TGM7: variants seen among roughly 807,000 people sequenced by gnomAD.
TGM7 encodes transglutaminase 7.
TGM7 carries 74 observed loss-of-function variants against 79.5 expected under a neutral mutation model. The observed-to-expected ratio is 0.93, with a 90% confidence interval of 0.77 to 1.13. TGM7 has a LOEUF of 1.13. Ranked by LOEUF, TGM7 falls within the 50% of genes most tolerant of loss-of-function variation. The pLI is 0.00. For synonymous variants in TGM7, 354 were observed against 362.5 expected, an observed-to-expected ratio of 0.98 and a Z score of 0.27; for missense variants, 912 against 905.9, an observed-to-expected ratio of 1.01 and a Z score of -0.09.
chr15:43,301,629 C>CAA lies in TGM7; in HGVS notation c.10+610_10+611dup, dbSNP rs56249665. On this transcript the variant is annotated intron_variant, in intron 1 of 12. Transcript: ENST00000452443. ...TGGGCTACAAAGGGAGACTCCATCT[C>CAA]AAAAAAAAAAAAAAGAAAAAGAAAA... Among the ~76,000 whole-genome samples the CAA allele has an allele frequency of 5.3e-3, 679 of 127,098 alleles. 5 individuals carry two copies. The highest frequency in any genetic ancestry group is 0.017 in the African/African-American group (613 of 36,508). The allele number at this position is 127,098 out of a possible 152,430, so 83.4% of individuals were successfully genotyped here.
chr15:43,293,406 A>G lies in TGM7; in HGVS notation c.193+43T>C, dbSNP rs749246325. ...GCAGGCAGACTCTGTAAATGCCCTC[A>G]TTTTGACGGAACCTGCGGGGCCTTG... On this transcript the variant is annotated intron_variant, in intron 2 of 12. Transcript: ENST00000452443. The G allele has an allele frequency of 1.9e-6, 3 of 1,542,378 alleles. No homozygotes were observed. In the South Asian group the frequency reaches 3.6e-5, roughly 19 times the overall value.
At chr15:43,293,676 G>C in intron 1 of TGM7, 45 bp from the exon 2 acceptor site, 2 of 1,481,226 alleles carry the variant, frequency 1.4e-6, no homozygotes, top group Non-Finnish European at 1.8e-6. Flanking sequence ...GCAGTCCCCT[G>C]GGCTCAGGCA....
intron 2 of TGM7, 121 bp downstream of exon 2, chr15:43,293,328 G>T: frequency 7.8e-7 from 1 of 1,285,580 alleles, no homozygotes; most frequent in Non-Finnish European, 1.1e-6. Context: ...GGGGTCTGGG[G>T]CTCCCAGGAC....
intron 4 of TGM7, among the ~76,000 whole-genome samples, chr15:43,289,151 T>C (rs962118551): frequency 6.6e-6 from 1 of 152,070 alleles, no homozygotes; most frequent in African/African-American, 2.4e-5. Flanking sequence ...CATGTTGGTG[T>C]GCTGCACCCA....
intron 1 of TGM7, among the ~76,000 whole-genome samples, chr15:43,294,904 T>G (rs76444236): frequency 7.4e-6 from 1 of 135,782 alleles, no homozygotes; most frequent in Non-Finnish European, 1.6e-5. Flanking sequence ...ATCTTGATCC[T>G]TTTTTTTTTT....
chr15:43,300,694 G>A (rs1157746792), intron 1 of TGM7, among the ~76,000 whole-genome samples: 6 of 152,120 alleles, frequency 3.9e-5, no homozygotes, highest in South Asian at 2.1e-4. Flanking sequence ...CCAGCTACTC[G>A]GGAGGCTGAG....
In TGM7 at chr15:43,282,102, G is replaced by A; in HGVS notation, c.1109-16C>T. The A allele has an allele frequency of 1.2e-6, 2 of 1,612,448 alleles. No individual in the cohort carries two copies. The highest frequency in any genetic ancestry group is 8.5e-7 in the Non-Finnish European group (1 of 1,178,780). ...CAGAACAGCCCTGTGGAGGCAACAG[G>A]CTACTGATATGGGGGCCAGGGGCAG... On this transcript the variant is annotated splice_polypyrimidine_tract_variant and intron_variant, in intron 8 of 12. Transcript: ENST00000452443.
Position 43,287,314 on chromosome 15 carries a change from T to C in TGM7, c.831A>G (p.Gly277=), listed in dbSNP as rs143299341. The C allele has an allele frequency of 1.3e-4, 213 of 1,613,810 alleles. No individual in the cohort carries two copies. Among genetic ancestry groups the C allele is most frequent in the Non-Finnish European group, 1.7e-4 (198 of 1,180,018 alleles). Residue 277 remains glycine, a synonymous_variant, in exon 6 of 13, where the codon GGA becomes GGG. Coordinates refer to ENST00000452443, the MANE Select transcript of TGM7 (RefSeq NM_052955.3). ...SARGGQPVKY[G]QCWVFASVMC... is the part of the protein sequence containing the mutation. ...TAACAGAGGCGAAGACCCAGCACTG[T>C]CCGTACTTCACAGGCTGCCCGCCCC...
intron 11 of TGM7, 79 bp downstream of exon 11, chr15:43,279,038 C>A (rs1373363107): frequency 5.4e-6 from 8 of 1,484,782 alleles, no homozygotes; most frequent in Non-Finnish European, 7.3e-6. Flanking sequence ...GGAACAGTGT[C>A]TTGTTGGCTG....
Position 43,279,132 on chromosome 15 carries a change from G to C in TGM7, c.1824C>G (p.Pro608=), listed in dbSNP as rs1386438442. The C allele has an allele frequency of 3.1e-6, 5 of 1,613,430 alleles. No homozygotes were observed. Among genetic ancestry groups the C allele is most frequent in the Non-Finnish European group, 4.2e-6 (5 of 1,179,818 alleles). ...LVLKDICLEP[P]HLSIEVSERA... ...CAGACACTACCTCAATAGACAAGTG[G>C]GGAGGCTCCAGACAGATATCTTTTA... The change falls in exon 11 of 13, where the codon CCC becomes CCG. Residue 608 remains proline (P), a synonymous_variant. Coordinates refer to ENST00000452443, the MANE Select transcript of TGM7 (RefSeq NM_052955.3).
At chr15:43,301,075 C>G (rs964397023) in intron 1 of TGM7, among the ~76,000 whole-genome samples, 1 of 152,050 alleles carries the variant, frequency 6.6e-6, no homozygotes, top group Non-Finnish European at 1.5e-5. Flanking sequence ...TTGACCCCCC[C>G]AGGCTCATGC....
intron 1 of TGM7, among the ~76,000 whole-genome samples, chr15:43,300,699 G>T (rs969503182): frequency 6.6e-6 from 1 of 152,176 alleles, no homozygotes; most frequent in Non-Finnish European, 1.5e-5. Flanking sequence ...TACTCGGGAG[G>T]CTGAGGCAGG....
chr15:43,284,225 T>A (rs2042923630), intron 7 of TGM7, among the ~76,000 whole-genome samples: 1 of 151,676 alleles, frequency 6.6e-6, no homozygotes, highest in Non-Finnish European at 1.5e-5. Flanking sequence ...ACACAGCGAG[T>A]CTTATCTGGA....
chr15:43,278,083 G>A (rs1233843750), intron 11 of TGM7, among the ~76,000 whole-genome samples: 3 of 152,238 alleles, frequency 2.0e-5, no homozygotes, highest in Admixed American at 2.0e-4. Flanking sequence ...CAGCTGGCCC[G>A]ACAGCCTGAC....
At chr15:43,277,565 A>G (rs1345434795) in intron 11 of TGM7, among the ~76,000 whole-genome samples, 1 of 152,230 alleles carries the variant, frequency 6.6e-6, no homozygotes, top group Non-Finnish European at 1.5e-5. Flanking sequence ...CTGTGTCTTC[A>G]TAAACATCAG....
At chr15:43,282,777 G>A (rs763083594) in intron 7 of TGM7, among the ~76,000 whole-genome samples, 157 bp from the exon 8 acceptor site, 2 of 152,138 alleles carry the variant, frequency 1.3e-5, no homozygotes, top group African/African-American at 2.4e-5. Context: ...CAGGCTGGGC[G>A]CGGTGACTCA....
chr15:43,290,940 C>T lies in TGM7; in HGVS notation c.558+1039G>A, dbSNP rs200182662. ...TATCCTGAGATATTGCTGAAGTTGT[C>T]TATCAGCTTAAGGAGATTTTGGGCT... On this transcript the variant is annotated intron_variant, in intron 4 of 12. Coordinates refer to ENST00000452443, the MANE Select transcript of TGM7 (RefSeq NM_052955.3). 2.2e-4 allele frequency among the ~76,000 whole-genome samples: 33 copies of T among 152,286 alleles called. No homozygotes were observed. The East Asian group carries it at 5.4e-3, about 25-fold the overall frequency.
intron 1 of TGM7, among the ~76,000 whole-genome samples, chr15:43,293,931 G>A (rs978129187): frequency 7.3e-6 from 1 of 136,400 alleles, no homozygotes; most frequent in Admixed American, 7.3e-5. Flanking sequence ...TGGGGTGTGC[G>A]GGGGGATCGG....
chr15:43,301,418 T>C (rs2043024718), intron 1 of TGM7, among the ~76,000 whole-genome samples: 1 of 150,814 alleles, frequency 6.6e-6, no homozygotes, highest in South Asian at 2.1e-4. Flanking sequence ...TCACCTGAGG[T>C]CAGGAGTTCA....
Sources: gnomAD v4.1 joint callset for allele counts (sites outside exome capture counted in the v4.1 genomes callset) on GRCh38, gnomAD v4.1.1 for gene constraint, MANE v1.5 for transcripts, NCBI Gene and HGNC (gene_info 2026-07-23, HGNC 2026-07-21) for gene names.